WIPF3: variants seen among roughly 807,000 people sequenced by gnomAD.
The protein encoded by WIPF3 is WAS/WASL interacting protein family member 3.
In WIPF3, 33 loss-of-function variants were observed where a neutral mutation model predicts 38.9. The ratio of observed to expected loss-of-function variants is 0.85; its 90% CI spans 0.64 to 1.14. The LOEUF (loss-of-function observed/expected upper bound fraction) is 1.14. Among genes scored for constraint, WIPF3 ranks in the 50% most tolerant of loss-of-function variants. The probability of loss-of-function intolerance (pLI) is 0.00; values close to 1 mark genes in which losing one functional copy is unlikely to be tolerated. For synonymous variants in WIPF3, 324 were observed against 269.3 expected, an observed-to-expected ratio of 1.20 and a Z score of -1.99; for missense variants, 711 against 652.5, an observed-to-expected ratio of 1.09 and a Z score of -0.98.
chr7:29,893,109 G>A (rs1185002910), intron 7 of WIPF3, among the ~76,000 whole-genome samples: 1 of 152,124 alleles, frequency 6.6e-6, no homozygotes, highest in Non-Finnish European at 1.5e-5. Context: ...AGGGAGGTTG[G>A]ATGGAGGAGG....
At chr7:29,851,044 A>G (rs554967050) in intron 2 of WIPF3, among the ~76,000 whole-genome samples, 1 of 152,276 alleles carries the variant, frequency 6.6e-6, no homozygotes, top group Non-Finnish European at 1.5e-5. Flanking sequence ...CCTCTCCCCC[A>G]GTCCTTGGCA....
At chr7:29,840,920 G>C (rs1248923375) in intron 2 of WIPF3, among the ~76,000 whole-genome samples, 2 of 152,170 alleles carry the variant, frequency 1.3e-5, no homozygotes, top group Non-Finnish European at 2.9e-5. Context: ...CTGGTGGTTG[G>C]TGAAGGATAA....
intron 8 of WIPF3, among the ~76,000 whole-genome samples, chr7:29,913,857 T>A (rs1345503860): frequency 1.3e-5 from 2 of 152,240 alleles, no homozygotes; most frequent in Non-Finnish European, 2.9e-5. Flanking sequence ...GGATCTGGTC[T>A]CCAGCCTCAC....
At chr7:29,853,131 G>T (rs1048247588) in intron 2 of WIPF3, among the ~76,000 whole-genome samples, 1 of 152,202 alleles carries the variant, frequency 6.6e-6, no homozygotes, top group Non-Finnish European at 1.5e-5. Context: ...AACCAGTAAT[G>T]GGTGTACGGG....
At chr7:29,894,952 T>G (rs1786106477) in intron 7 of WIPF3, among the ~76,000 whole-genome samples, 1 of 152,074 alleles carries the variant, frequency 6.6e-6, no homozygotes, top group Non-Finnish European at 1.5e-5. Flanking sequence ...TTTTTCGCTT[T>G]TGTTTTGTTT....
At chr7:29,907,986 T>C (rs1786430873) in intron 8 of WIPF3, among the ~76,000 whole-genome samples, 1 of 152,120 alleles carries the variant, frequency 6.6e-6, no homozygotes, top group Non-Finnish European at 1.5e-5. Context: ...AGTAGCAAAA[T>C]GACAGAGTAA....
chr7:29,825,579 C>A (rs948801429), intron 1 of WIPF3, among the ~76,000 whole-genome samples: 44 of 152,188 alleles, frequency 2.9e-4, no homozygotes, highest in African/African-American at 1.1e-3. Flanking sequence ...GGGAACCACA[C>A]ATATAACAAT....
intron 5 of WIPF3, among the ~76,000 whole-genome samples, chr7:29,885,457 T>G (rs1056881555): frequency 6.6e-6 from 1 of 152,218 alleles, no homozygotes; most frequent in Admixed American, 6.5e-5. Context: ...GCAGAAAGCT[T>G]CTTAAAAGTA....
chr7:29,863,860 A>G (rs1180208822), intron 2 of WIPF3, among the ~76,000 whole-genome samples: 2 of 152,124 alleles, frequency 1.3e-5, no homozygotes, highest in Non-Finnish European at 2.9e-5. Context: ...TTTGATTTCC[A>G]GTTTTTTGCT....
chr7:29,888,222 G>A lies in WIPF3; in HGVS notation c.1249+5G>A, dbSNP rs1395204152. 19 of 1,604,732 alleles carry A rather than the reference G, an allele frequency of 1.2e-5. No homozygotes were observed. The highest frequency in any genetic ancestry group is 1.6e-5 in the Non-Finnish European group (19 of 1,175,738). On this transcript the variant is annotated splice_donor_5th_base_variant and intron_variant, in intron 6 of 8. Transcript: ENST00000242140. ...ATGGAAGCCTGCACATCATTGGTAAGTGGGTTGCACCCTCTGCCGGTTTGG... is the reference window on the plus strand; with the variant it reads ...ATGGAAGCCTGCACATCATTGGTAAATGGGTTGCACCCTCTGCCGGTTTGG...
intron 2 of WIPF3, among the ~76,000 whole-genome samples, chr7:29,836,552 CA>C (rs987850794): frequency 2.6e-5 from 4 of 151,922 alleles, no homozygotes; most frequent in Non-Finnish European, 4.4e-5. Context: ...CTAAAAATAC[CA>C]AAAAGAATTT....
intron 7 of WIPF3, among the ~76,000 whole-genome samples, chr7:29,900,028 C>T (rs1446614860): frequency 6.6e-6 from 1 of 152,166 alleles, no homozygotes; most frequent in Non-Finnish European, 1.5e-5. Context: ...GCCTCTGCCT[C>T]CCAGGTTCAA....
At chr7:29,852,156 C>G (rs1220035948) in intron 2 of WIPF3, among the ~76,000 whole-genome samples, 1 of 152,166 alleles carries the variant, frequency 6.6e-6, no homozygotes, top group Non-Finnish European at 1.5e-5. Flanking sequence ...CACACAACAC[C>G]ATGCCTAGCT....
chr7:29,871,947 C>A (rs1785503550), intron 2 of WIPF3, among the ~76,000 whole-genome samples: 1 of 152,172 alleles, frequency 6.6e-6, no homozygotes, highest in Admixed American at 6.5e-5. Context: ...TGCTGTAGAA[C>A]TGAGTCAACA....
intron 6 of WIPF3, among the ~76,000 whole-genome samples, chr7:29,888,500 C>CGTGTGCAT (rs1554347976): frequency 7.2e-6 from 1 of 138,686 alleles, no homozygotes; most frequent in African/African-American, 2.7e-5. Context: ...TGTGCGTGTG[C>CGTGTGCAT]GTGTGTGTGC....
chr7:29,909,494 G>T (rs1786463292), intron 8 of WIPF3, among the ~76,000 whole-genome samples: 1 of 152,060 alleles, frequency 6.6e-6, no homozygotes, highest in South Asian at 2.1e-4. Flanking sequence ...GAAATAAAAA[G>T]GATTATAAGA....
chr7:29,908,850 G>C (rs1033444811), intron 8 of WIPF3, among the ~76,000 whole-genome samples: 3 of 148,096 alleles, frequency 2.0e-5, no homozygotes, highest in African/African-American at 7.5e-5. Context: ...AGAGGTTGCA[G>C]TAAGCCAAGA....
rs1424629135 is a variant in WIPF3, at chr7:29,884,201, C to T, written c.707C>T (p.Pro236Leu). Residue 236 changes from proline to leucine, a missense_variant, in exon 5 of 9, where the codon CCG becomes CTG. Transcript: ENST00000242140. ...PPPPPPPTPP[P>L]LPPASVLSDK... Reference sequence around the variant, plus strand: ...CCGCCACCTCCCCCAACGCCACCCCCGCTGCCCCCGGCCTCGGTTCTTAGT... The same window carrying T: ...CCGCCACCTCCCCCAACGCCACCCCTGCTGCCCCCGGCCTCGGTTCTTAGT... The T allele has an allele frequency of 7.2e-6, 11 of 1,526,676 alleles. No individual in the cohort carries two copies. The highest frequency in any genetic ancestry group is 1.2e-5 in the South Asian group (1 of 81,030). The allele number at this position is 1,526,676 out of a possible 1,614,324, so 94.6% of individuals were successfully genotyped here.
chr7:29,849,160 A>G (rs1785050389), intron 2 of WIPF3, among the ~76,000 whole-genome samples: 1 of 151,912 alleles, frequency 6.6e-6, no homozygotes, highest in African/African-American at 2.4e-5. Context: ...TTTTCTAGGG[A>G]TTAACGTTAA....
Sources: gnomAD v4.1 joint callset for allele counts (sites outside exome capture counted in the v4.1 genomes callset) on GRCh38, gnomAD v4.1.1 for gene constraint, MANE v1.5 for transcripts, NCBI Gene and HGNC (gene_info 2026-07-23, HGNC 2026-07-21) for gene names.